SGTB: variants seen among roughly 807,000 people sequenced by gnomAD.
SGTB encodes small glutamine-rich tetratricopeptide repeat-containing protein beta.
Under a neutral mutation model 43.9 loss-of-function variants are expected in SGTB, and 19 were observed. The observed-to-expected ratio is 0.43, with a 90% CI of 0.30 to 0.63. The LOEUF (loss-of-function observed/expected upper bound fraction) is 0.63. SGTB is among the 30% of genes least tolerant of loss of function. The pLI is 0.12. For synonymous variants in SGTB, 116 were observed against 117.3 expected, an observed-to-expected ratio of 0.99 and a Z score of 0.07; for missense variants, 304 against 358.9, an observed-to-expected ratio of 0.85 and a Z score of 1.24.
chr5:65,696,076 C>T (rs187509795), intron 5 of SGTB, among the ~76,000 whole-genome samples: 41 of 152,324 alleles, frequency 2.7e-4, no homozygotes, highest in African/African-American at 9.1e-4. Context: ...AGAGCTCACA[C>T]GGCTACGTGC....
At chr5:65,676,405 C>T (rs551277752) in intron 8 of SGTB, among the ~76,000 whole-genome samples, 1 of 152,158 alleles carries the variant, frequency 6.6e-6, no homozygotes, top group African/African-American at 2.4e-5. Context: ...AATATATATG[C>T]ACCCAATACA....
chr5:65,686,372 T>C (rs565572548), intron 5 of SGTB, among the ~76,000 whole-genome samples: 2 of 152,146 alleles, frequency 1.3e-5, no homozygotes, highest in Non-Finnish European at 2.9e-5. Context: ...AGCCCAGAAA[T>C]GAACTTAGGC....
chr5:65,681,827 T>A (rs1435386413), intron 6 of SGTB, among the ~76,000 whole-genome samples: 1 of 151,812 alleles, frequency 6.6e-6, no homozygotes, highest in Non-Finnish European at 1.5e-5. Context: ...ATACAAAAAT[T>A]AGCCAAGCAT....
intron 5 of SGTB, among the ~76,000 whole-genome samples, chr5:65,703,049 C>A (rs1159964542): frequency 6.6e-6 from 1 of 152,170 alleles, no homozygotes; most frequent in African/African-American, 2.4e-5. Context: ...ACTTCTAGAT[C>A]TACTAAGTGC....
chr5:65,716,808 A>C (rs1117515), intron 2 of SGTB, among the ~76,000 whole-genome samples: 31,447 of 151,978 alleles, frequency 0.21, 3,345 homozygotes, highest in African/African-American at 0.23. Context: ...CTGAGGGCAT[A>C]AATTTGGGAA....
intron 5 of SGTB, among the ~76,000 whole-genome samples, chr5:65,700,694 AAAAAG>A (rs1192135373): frequency 5.3e-4 from 79 of 148,726 alleles, no homozygotes; most frequent in Non-Finnish European, 6.8e-4. Flanking sequence ...AAAAAAAAAA[AAAAAG>A]AAAGAAAGAA....
chr5:65,692,975 G>T (rs993334721), intron 5 of SGTB, among the ~76,000 whole-genome samples: 1 of 152,124 alleles, frequency 6.6e-6, no homozygotes, highest in African/African-American at 2.4e-5. Context: ...GGAGGCCGAG[G>T]TGGGTGAATC....
chr5:65,705,471 A>G (rs937437830), intron 4 of SGTB, among the ~76,000 whole-genome samples: 22 of 152,106 alleles, frequency 1.4e-4, no homozygotes, highest in Non-Finnish European at 2.2e-4. Context: ...AAGAAAAAGA[A>G]AAAGAAAATA....
Position 65,701,009 on chromosome 5 carries a change from C to CAAA in SGTB, c.374+3267_374+3269dup, listed in dbSNP as rs1161067337. On this transcript the variant is annotated intron_variant, in intron 5 of 10. Coordinates refer to ENST00000381007, the MANE Select transcript of SGTB (RefSeq NM_019072.3). Reference sequence around the variant, plus strand: ...TGGGCAACAGAGCAAGACTCCGTCTCAAAAAAAAAAAAAAAAAAAAAAAAA... The same window carrying CAAA: ...TGGGCAACAGAGCAAGACTCCGTCTCAAAAAAAAAAAAAAAAAAAAAAAAAAAA... 2.2e-3 allele frequency among the ~76,000 whole-genome samples: 36 copies of CAAA among 16,102 alleles called. 4 individuals carry two copies. The highest frequency in any genetic ancestry group is 5.5e-3 in the African/African-American group (29 of 5,314). The allele number at this position is 16,102 out of a possible 152,430, so 10.6% of individuals were successfully genotyped here.
chr5:65,681,961 G>A (rs963674161), intron 6 of SGTB, among the ~76,000 whole-genome samples: 5 of 149,894 alleles, frequency 3.3e-5, no homozygotes, highest in African/African-American at 1.2e-4. Context: ...GAAAACAAGA[G>A]CGAAATTCCA....
intron 3 of SGTB, 122 bp from the exon 4 acceptor site, chr5:65,708,680 C>T (rs1451489517): frequency 2.3e-5 from 15 of 641,266 alleles, no homozygotes; most frequent in Non-Finnish European, 3.4e-5. Flanking sequence ...ATCATGAAAA[C>T]AACTTCCTAA....
chr5:65,716,752 C>G (rs1758160161), intron 2 of SGTB, among the ~76,000 whole-genome samples: 1 of 151,910 alleles, frequency 6.6e-6, no homozygotes. Flanking sequence ...GTGGAGATAT[C>G]TAGTAGGTAC....
chr5:65,713,082 TA>T lies in SGTB; in HGVS notation c.101-19del. 6.3e-7 allele frequency: 1 copy of T among 1,577,088 alleles called. No individual in the cohort carries two copies. The highest frequency in any genetic ancestry group is 8.6e-7 in the Non-Finnish European group (1 of 1,158,472). ...AATTGCAACTTGAAATAAATTTTAATAGTAAAAAACAATTAGCAATTTTAAA... is the reference window on the plus strand; with the variant it reads ...AATTGCAACTTGAAATAAATTTTAATGTAAAAAACAATTAGCAATTTTAAA... On this transcript the variant is annotated intron_variant, in intron 2 of 10. Coordinates refer to ENST00000381007, the MANE Select transcript of SGTB (RefSeq NM_019072.3).
At chr5:65,700,246 T>C (rs961830589) in intron 5 of SGTB, among the ~76,000 whole-genome samples, 1 of 152,176 alleles carries the variant, frequency 6.6e-6, no homozygotes, top group Non-Finnish European at 1.5e-5. Context: ...CTGGAACAAG[T>C]TTCAAGTGAA....
Position 65,666,478 on chromosome 5 carries a change from T to C in SGTB, c.*3768A>G, listed in dbSNP as rs1207704596. On this transcript the variant is annotated 3_prime_UTR_variant, in exon 11 of 11. Transcript: ENST00000381007. ...CTACAAGAAATATGGTTAATGGAAG[T>C]CAAACATTTAGTACGATGCTTAAAG... The C allele has an allele frequency of 6.6e-6, 1 of 152,216 alleles. No homozygotes were observed. The highest frequency in any genetic ancestry group is 1.5e-5 in the Non-Finnish European group (1 of 68,014). 9.4% of individuals were successfully genotyped at this position (152,216 alleles called of 1,614,324 possible).
At chr5:65,698,970 T>G (rs991823730) in intron 5 of SGTB, among the ~76,000 whole-genome samples, 1 of 152,128 alleles carries the variant, frequency 6.6e-6, no homozygotes, top group Non-Finnish European at 1.5e-5. Context: ...GAAAACAGTA[T>G]GGAGATTTCT....
intron 5 of SGTB, among the ~76,000 whole-genome samples, chr5:65,698,767 A>G (rs567038045): frequency 3.9e-5 from 6 of 152,262 alleles, no homozygotes; most frequent in African/African-American, 1.4e-4. Context: ...ATGGCCAACA[A>G]ACATATGAAA....
intron 5 of SGTB, 51 bp downstream of exon 5, chr5:65,704,228 T>C (rs772693692): frequency 7.0e-6 from 9 of 1,293,098 alleles, no homozygotes; most frequent in Non-Finnish European, 9.7e-6. Flanking sequence ...TTCAGAGCTA[T>C]TAATCTAAAT....
At chr5:65,692,068 C>T (rs13188924) in intron 5 of SGTB, among the ~76,000 whole-genome samples, 1 of 151,380 alleles carries the variant, frequency 6.6e-6, no homozygotes, top group Non-Finnish European at 1.5e-5. Context: ...TATTGAATAG[C>T]GAATTTTTAA....
Sources: gnomAD v4.1 joint callset for allele counts (sites outside exome capture counted in the v4.1 genomes callset) on GRCh38, gnomAD v4.1.1 for gene constraint, MANE v1.5 for transcripts, NCBI Gene and HGNC (gene_info 2026-07-23, HGNC 2026-07-21) for gene names.